The following KHDRBS3 variants were observed in gnomAD, a reference collection of about 807,000 sequenced individuals.
KHDRBS3 encodes KH domain-containing, RNA-binding, signal transduction-associated protein 3.
In KHDRBS3, 23 loss-of-function variants were observed where a neutral mutation model predicts 45.6. The observed-to-expected ratio is 0.50, with a 90% CI of 0.36 to 0.72. The LOEUF is 0.72. Among genes scored for constraint, KHDRBS3 ranks in the 30% least tolerant of loss-of-function variants. The pLI is 0.00. For synonymous variants in KHDRBS3, 162 were observed against 156.5 expected (o/e 1.04, Z -0.26); for missense variants, 352 against 424.8 (o/e 0.83, Z 1.51).
At chr8:135,579,163 C>A (rs139547154) in intron 5 of KHDRBS3, among the ~76,000 whole-genome samples, 2 of 152,070 alleles carry the variant, frequency 1.3e-5, no homozygotes, top group East Asian at 3.9e-4. Context: ...TTACTTTTTT[C>A]TTCAAAATCT....
chr8:135,463,786 A>G (rs187566382), intron 1 of KHDRBS3, among the ~76,000 whole-genome samples: 1,547 of 152,292 alleles, frequency 0.01, 20 homozygotes, highest in African/African-American at 0.033. Flanking sequence ...CTTTGATATC[A>G]AAAGCCCCAT....
intron 7 of KHDRBS3, among the ~76,000 whole-genome samples, chr8:135,637,935 G>C (rs572178202): frequency 2.0e-5 from 3 of 152,282 alleles, no homozygotes; most frequent in African/African-American, 7.2e-5. Context: ...TGGACTAAGA[G>C]CCTATATCTG....
chr8:135,593,780 G>T (rs1339020587), intron 6 of KHDRBS3, among the ~76,000 whole-genome samples: 1 of 152,158 alleles, frequency 6.6e-6, no homozygotes, highest in Admixed American at 6.6e-5. Flanking sequence ...GCCCAGCCTG[G>T]ATTTCCTGAT....
intron 1 of KHDRBS3, among the ~76,000 whole-genome samples, chr8:135,496,265 C>T (rs1438679316): frequency 1.3e-5 from 2 of 151,596 alleles, no homozygotes; most frequent in East Asian, 3.9e-4. Context: ...CAGAGTCTTG[C>T]TCTGATGCCC....
intron 1 of KHDRBS3, among the ~76,000 whole-genome samples, chr8:135,461,391 C>G (rs576393469): frequency 6.6e-6 from 1 of 152,178 alleles, no homozygotes; most frequent in Admixed American, 6.5e-5. Flanking sequence ...GTGTGAGCCA[C>G]CGTGCCTGGC....
At chr8:135,459,121 C>T (rs980407710) in intron 1 of KHDRBS3, among the ~76,000 whole-genome samples, 1 of 152,120 alleles carries the variant, frequency 6.6e-6, no homozygotes, top group African/African-American at 2.4e-5. Context: ...TCTTAGTGCT[C>T]GCCCTGGCTT....
At chr8:135,573,090 A>C (rs1158609210) in intron 5 of KHDRBS3, among the ~76,000 whole-genome samples, 2 of 152,110 alleles carry the variant, frequency 1.3e-5, no homozygotes, top group Non-Finnish European at 2.9e-5. Flanking sequence ...TAGAAGACTA[A>C]GGCCCTGTCA....
In KHDRBS3 at chr8:135,523,842, A is replaced by G. The variant is rs148211643; in HGVS notation, c.207+2487A>G. Among the ~76,000 whole-genome samples the G allele has an allele frequency of 2.1e-3, 316 of 152,232 alleles. 1 individual carries two copies. The highest frequency in any genetic ancestry group is 7.2e-3 in the African/African-American group (297 of 41,530). On this transcript the variant is annotated intron_variant, in intron 2 of 8. Coordinates refer to ENST00000355849, the MANE Select transcript of KHDRBS3 (RefSeq NM_006558.3). ...TTTTTTGAATGCTTTTTCTACATCT[A>G]TTGAAATAAACACAATGTATTTCTC...
downstream of KHDRBS3, among the ~76,000 whole-genome samples, chr8:135,648,368 C>T (rs961135496): frequency 2.0e-5 from 3 of 152,098 alleles, no homozygotes; most frequent in East Asian, 5.8e-4. Context: ...ATTTGTAATA[C>T]ATTATTTGGT....
chr8:135,544,969 G>A (rs1826220115), intron 3 of KHDRBS3, among the ~76,000 whole-genome samples: 1 of 151,906 alleles, frequency 6.6e-6, no homozygotes, highest in Non-Finnish European at 1.5e-5. Flanking sequence ...CAGTGGAGTG[G>A]CATTAGGTCA....
In KHDRBS3 at chr8:135,606,979, G is replaced by A; in HGVS notation, c.832G>A (p.Ala278Thr). 5 of 1,613,484 alleles carry A rather than the reference G, an allele frequency of 3.1e-6. No individual in the cohort carries two copies. The highest frequency in any genetic ancestry group is 4.2e-6 in the Non-Finnish European group (5 of 1,179,590). ...GGACTATGATGATGGATATGGCACT[G>A]CTTATGATGAACAGAGTTATGATTC... is the stretch of plus-strand genomic sequence containing the variant. Reference protein sequence around the residue: ...EYDYDDGYGTAYDEQSYDSYD... With the variant: ...EYDYDDGYGTTYDEQSYDSYD... The change falls in exon 7 of 9, where the codon GCT becomes ACT. Residue 278 changes from alanine (A) to threonine (T), a missense_variant. Ala to Thr is a moderately conservative substitution (Grantham distance 58). This residue lies in a region of KHDRBS3 where 212 missense variants were observed against 209.6 expected (regional missense o/e 1.01). Transcript: ENST00000355849.
At chr8:135,625,153 G>A in intron 7 of KHDRBS3, 5 of 1,252,902 alleles carry the variant, frequency 4.0e-6, no homozygotes, top group Non-Finnish European at 5.8e-6. Context: ...TTGGAGTGAA[G>A]AATTCAGATG....
chr8:135,580,470 A>G (rs1268711892), intron 5 of KHDRBS3, among the ~76,000 whole-genome samples: 9 of 152,226 alleles, frequency 5.9e-5, no homozygotes, highest in African/African-American at 2.2e-4. Context: ...TGTGTTGGTC[A>G]TTATGAATCA....
At chr8:135,613,933 G>A (rs1268703405) in intron 7 of KHDRBS3, among the ~76,000 whole-genome samples, 3 of 151,636 alleles carry the variant, frequency 2.0e-5, no homozygotes, top group Non-Finnish European at 2.9e-5. Flanking sequence ...TATCTTTGGA[G>A]GTTTTACAGA....
At chr8:135,474,708 A>G (rs1822183150) in intron 1 of KHDRBS3, among the ~76,000 whole-genome samples, 3 of 152,212 alleles carry the variant, frequency 2.0e-5, no homozygotes, top group South Asian at 2.1e-4. Context: ...TTTCAGATTC[A>G]GATGTTCTCT....
At chr8:135,650,022 T>C (rs1452261537), downstream of KHDRBS3, among the ~76,000 whole-genome samples, 1 of 152,156 alleles carries the variant, frequency 6.6e-6, no homozygotes, top group Non-Finnish European at 1.5e-5. Context: ...GCCAGTCTTC[T>C]CACGTCTCTA....
intron 5 of KHDRBS3, among the ~76,000 whole-genome samples, chr8:135,570,885 T>C (rs2130883901): frequency 6.6e-6 from 1 of 152,328 alleles, no homozygotes; most frequent in African/African-American, 2.4e-5. Flanking sequence ...ATTAAAGCAC[T>C]TTCTGATGGT....
Position 135,608,849 on chromosome 8 carries a change from G to A in KHDRBS3, c.890+1812G>A, listed in dbSNP as rs1192826991. ...GCATGTTACTATACTGAATACTGCA[G>A]GCAGTGGACACACAATGGTATTTCT... On this transcript the variant is annotated intron_variant, in intron 7 of 8. Coordinates refer to ENST00000355849, the MANE Select transcript of KHDRBS3 (RefSeq NM_006558.3). Among the ~76,000 whole-genome samples the A allele has an allele frequency of 9.9e-5, 15 of 152,168 alleles. No individual in the cohort carries two copies. The South Asian group carries it at 3.1e-3, about 31-fold the overall frequency.
At chr8:135,461,578 T>A (rs778685660) in intron 1 of KHDRBS3, among the ~76,000 whole-genome samples, 2 of 152,238 alleles carry the variant, frequency 1.3e-5, no homozygotes, top group Non-Finnish European at 2.9e-5. Context: ...TGGTGTTGCA[T>A]GTTTTATATT....
Sources: gnomAD v4.1 joint callset for allele counts (sites outside exome capture counted in the v4.1 genomes callset) on GRCh38, gnomAD v4.1.1 for gene constraint, gnomAD v4.1.1 regional missense constraint, MANE v1.5 for transcripts, NCBI Gene and HGNC (gene_info 2026-07-23, HGNC 2026-07-21) for gene names.